CSMD1: variants seen among roughly 807,000 people sequenced by gnomAD.
The protein encoded by CSMD1 is CUB and Sushi multiple domains 1, also known as CUB and sushi domain-containing protein 1.
A neutral mutation model predicts 417.5 loss-of-function variants in CSMD1; 213 were observed. The observed-to-expected ratio is 0.51, with a 90% confidence interval of 0.46 to 0.57. CSMD1 has a LOEUF of 0.57. CSMD1 is among the 20% of genes least tolerant of loss of function. The pLI, the probability that CSMD1 is intolerant of heterozygous loss-of-function variation, is 0.00. For synonymous variants in CSMD1, 2,862 were observed against 1,736.8 expected, an observed-to-expected ratio of 1.65 and a Z score of -16.11; for missense variants, 6,923 against 4,529.7, an observed-to-expected ratio of 1.53 and a Z score of -15.17.
chr8:4,393,795 T>G (rs1169492140), intron 3 of CSMD1, among the ~76,000 whole-genome samples: 3 of 152,202 alleles, frequency 2.0e-5, no homozygotes, highest in Non-Finnish European at 4.4e-5. Flanking sequence ...TAACTGATCA[T>G]CTTTATATGC....
At chr8:4,148,471 A>T (rs551794415) in intron 3 of CSMD1, among the ~76,000 whole-genome samples, 3 of 152,216 alleles carry the variant, frequency 2.0e-5, no homozygotes, top group African/African-American at 7.2e-5. Flanking sequence ...ATACATATGT[A>T]ACGAACCTGC....
chr8:4,043,301 G>A lies in CSMD1; in HGVS notation c.416-11202C>T, dbSNP rs551549077. 2.6e-5 allele frequency among the ~76,000 whole-genome samples: 4 copies of A among 151,800 alleles called. No homozygotes were observed. In the South Asian group the frequency reaches 8.3e-4, roughly 32 times the overall value. ...ACAGAAAGTACCCAATCCAACAAAA[G>A]GAAAACATAAAAAGAAGAGGAAAAA... On this transcript the variant is annotated intron_variant, in intron 3 of 69. Transcript: ENST00000635120.
chr8:3,138,169 T>C (rs185259898), intron 41 of CSMD1, among the ~76,000 whole-genome samples: 1 of 152,308 alleles, frequency 6.6e-6, no homozygotes, highest in Non-Finnish European at 1.5e-5. Flanking sequence ...GAGGGTGCAG[T>C]GAGCTGAGAT....
chr8:4,946,596 G>C (rs537470512), intron 1 of CSMD1, among the ~76,000 whole-genome samples: 1 of 152,148 alleles, frequency 6.6e-6, no homozygotes, highest in Non-Finnish European at 1.5e-5. Flanking sequence ...TAAATTCTAG[G>C]CTTATGTCTA....
chr8:4,634,015 G>A (rs181537727), intron 2 of CSMD1, among the ~76,000 whole-genome samples: 2 of 146,384 alleles, frequency 1.4e-5, no homozygotes, highest in East Asian at 4.0e-4. Flanking sequence ...AAAAAACAAT[G>A]AAGAGATGCT....
In CSMD1 at chr8:4,502,219, A is replaced by G. The variant is rs115327245; in HGVS notation, c.303-82154T>C. Among the ~76,000 whole-genome samples, 910 of 152,276 alleles carry G rather than the reference A, an allele frequency of 6.0e-3. 11 individuals are homozygous for G. The highest frequency in any genetic ancestry group is 0.021 in the African/African-American group (870 of 41,552). ...AACATTTTTTTTTTACTATTGCAGT[A>G]GAATGAGCAGAACGTAGAACTAGAA... On this transcript the variant is annotated intron_variant, in intron 2 of 69. Transcript: ENST00000635120.
At chr8:3,182,626 GTGTGTGTA>G (rs1821424370) in intron 36 of CSMD1, among the ~76,000 whole-genome samples, 6 of 50,022 alleles carry the variant, frequency 1.2e-4, no homozygotes, top group Admixed American at 2.1e-4. Context: ...GTGTGTGTGT[GTGTGTGTA>G]TTGTTAGTAG....
chr8:4,183,129 T>C (rs970089720), intron 3 of CSMD1, among the ~76,000 whole-genome samples: 5 of 152,148 alleles, frequency 3.3e-5, no homozygotes, highest in African/African-American at 1.2e-4. Flanking sequence ...GCAGTGATAA[T>C]TTTATTTCAT....
chr8:3,202,581 C>T (rs1797046649), intron 31 of CSMD1, among the ~76,000 whole-genome samples: 1 of 152,160 alleles, frequency 6.6e-6, no homozygotes, highest in Admixed American at 6.6e-5. Flanking sequence ...TACTTACAAG[C>T]AATGAACAAC....
At chr8:4,085,452 C>G (rs1174482177) in intron 3 of CSMD1, among the ~76,000 whole-genome samples, 36 of 152,140 alleles carry the variant, frequency 2.4e-4, no homozygotes, top group Admixed American at 2.4e-3. Context: ...GTTTTAATTG[C>G]TCAGATCATG....
In CSMD1 at chr8:4,905,203, C is replaced by T. The variant is rs574628224; in HGVS notation, c.85+89129G>A. Among the ~76,000 whole-genome samples, 7 of 152,202 alleles carry T rather than the reference C, an allele frequency of 4.6e-5. No individual in the cohort carries two copies. The South Asian group carries it at 1.5e-3, about 32-fold the overall frequency. The stretch of plus-strand genomic sequence containing the variant: ...AAAAAAAAAGTTATATTTGATATCT[C>T]ATCTGTGATTTTCATACAGGCATTA... On this transcript the variant is annotated intron_variant, in intron 1 of 69. Transcript: ENST00000635120.
chr8:4,526,894 G>A (rs142569425), intron 2 of CSMD1, among the ~76,000 whole-genome samples: 2 of 151,830 alleles, frequency 1.3e-5, no homozygotes, highest in African/African-American at 4.8e-5. Flanking sequence ...GAAGACTATT[G>A]TGAATGATCA....
At chr8:3,456,842 A>T (rs1274378883) in intron 12 of CSMD1, among the ~76,000 whole-genome samples, 1 of 152,100 alleles carries the variant, frequency 6.6e-6, no homozygotes, top group Admixed American at 6.5e-5. Context: ...TGGATGCAGA[A>T]CTGAAACCCG....
At chr8:3,692,580 A>T (rs889680582) in intron 7 of CSMD1, among the ~76,000 whole-genome samples, 1 of 152,012 alleles carries the variant, frequency 6.6e-6, no homozygotes, top group African/African-American at 2.4e-5. Flanking sequence ...GATAACAGGC[A>T]TGTCACCACA....
At chr8:4,482,369 G>C (rs1435792425) in intron 2 of CSMD1, among the ~76,000 whole-genome samples, 2 of 152,106 alleles carry the variant, frequency 1.3e-5, no homozygotes, top group Non-Finnish European at 2.9e-5. Flanking sequence ...TCCTGAGTTA[G>C]TTTGCTAAGG....
At chr8:4,429,010 C>G (rs752244205) in intron 2 of CSMD1, among the ~76,000 whole-genome samples, 8 of 151,980 alleles carry the variant, frequency 5.3e-5, no homozygotes, top group Admixed American at 3.3e-4. Context: ...CACTGCACGT[C>G]GGCCTTATCT....
chr8:3,991,571 CG>C (rs1191818334), intron 5 of CSMD1, among the ~76,000 whole-genome samples: 1 of 152,088 alleles, frequency 6.6e-6, no homozygotes, highest in East Asian at 1.9e-4. Flanking sequence ...GAAAGAAACA[CG>C]TAAGAGTAGC....
At chr8:4,638,154 T>C (rs1802955305) in intron 1 of CSMD1, among the ~76,000 whole-genome samples, 1 of 152,206 alleles carries the variant, frequency 6.6e-6, no homozygotes. Context: ...CTCATCAATA[T>C]CAAATTTCAG....
At chr8:4,184,406 A>G (rs1168001998) in intron 3 of CSMD1, among the ~76,000 whole-genome samples, 1 of 152,180 alleles carries the variant, frequency 6.6e-6, no homozygotes, top group Non-Finnish European at 1.5e-5. Context: ...AATCTGGAGC[A>G]TATGAGGATG....
Sources: gnomAD v4.1 joint callset for allele counts (sites outside exome capture counted in the v4.1 genomes callset) on GRCh38, gnomAD v4.1.1 for gene constraint, MANE v1.5 for transcripts, NCBI Gene and HGNC (gene_info 2026-07-23, HGNC 2026-07-21) for gene names.